The following PPP1R16B variants were observed in gnomAD, a reference collection of about 807,000 sequenced individuals.
PPP1R16B encodes the protein protein phosphatase 1 regulatory subunit 16B.
Under a neutral mutation model 61.7 loss-of-function variants are expected in PPP1R16B, and 14 were observed. The ratio of observed to expected loss-of-function variants is 0.23; its 90% CI spans 0.15 to 0.35. The LOEUF (loss-of-function observed/expected upper bound fraction) is 0.35, where lower values mean the gene tolerates loss of function less well. Ranked by LOEUF, PPP1R16B falls within the 10% of genes least tolerant of loss-of-function variation. The probability of loss-of-function intolerance (pLI) is 1.00; values close to 1 mark genes in which losing one functional copy is unlikely to be tolerated. For missense variants in PPP1R16B, 547 were observed against 752.5 expected (o/e 0.73, Z 3.19); for synonymous variants, 266 against 305.3 (o/e 0.87, Z 1.34).
At chr20:38,905,941 G>T in intron 6 of PPP1R16B, 28 bp from the exon 7 acceptor site, 1 of 1,606,888 alleles carries the variant, frequency 6.2e-7, no homozygotes, top group Non-Finnish European at 8.5e-7. Flanking sequence ...ATCCCCTGAG[G>T]AATGCTCACT....
chr20:38,918,293 T>A lies in PPP1R16B; in HGVS notation c.1331T>A (p.Val444Asp). 1 of 1,614,216 alleles carries A rather than the reference T, an allele frequency of 6.2e-7. No homozygotes were observed. The highest frequency in any genetic ancestry group is 8.5e-7 in the Non-Finnish European group (1 of 1,180,046). ...AYQYALANGD[V>D]WKVHEVPDYS... is the part of the protein sequence containing the mutation. ...CAGTATGCGCTGGCCAACGGGGATG[T>A]CTGGAAGGTGCATGAGGTGCCTGAC... The change falls in exon 11 of 11, where the codon GTC (valine) becomes GAC (aspartate). Residue 444 changes from valine (V) to aspartate (D), a missense_variant. Physicochemically the swap from Val to Asp is radical, Grantham distance 152. Transcript: ENST00000299824. This position sits in a 1 kb window ranked among gnomAD's most constrained non-coding sequence, Gnocchi z 5.3.
At chr20:38,854,508 A>G (rs2084990681) in intron 2 of PPP1R16B, among the ~76,000 whole-genome samples, 1 of 152,236 alleles carries the variant, frequency 6.6e-6, no homozygotes, top group African/African-American at 2.4e-5. Flanking sequence ...AAAATCTTTC[A>G]AAATGTGGAT....
intron 3 of PPP1R16B, among the ~76,000 whole-genome samples, chr20:38,895,340 T>C (rs1435861361): frequency 1.3e-5 from 2 of 150,732 alleles, no homozygotes; most frequent in African/African-American, 2.5e-5. Flanking sequence ...ATCTTACATA[T>C]TATTAACTTC....
At chr20:38,845,089 C>T (rs1160183702) in intron 2 of PPP1R16B, among the ~76,000 whole-genome samples, 2 of 152,046 alleles carry the variant, frequency 1.3e-5, no homozygotes, top group African/African-American at 4.8e-5. Context: ...CATGCCCCTG[C>T]CATTCTGGTG....
chr20:38,855,941 T>TAGAGAGAGAGAG (rs1371645291), intron 2 of PPP1R16B, among the ~76,000 whole-genome samples: 11 of 25,370 alleles, frequency 4.3e-4, no homozygotes, highest in Non-Finnish European at 5.4e-4. Flanking sequence ...TATATATATA[T>TAGAGAGAGAGAG]ATAGAGAGAG....
intron 2 of PPP1R16B, among the ~76,000 whole-genome samples, chr20:38,879,423 T>G (rs1157685202): frequency 6.6e-6 from 1 of 152,128 alleles, no homozygotes; most frequent in Non-Finnish European, 1.5e-5. Flanking sequence ...CCTCACACAT[T>G]AGGAAGTGAT....
chr20:38,844,232 A>G (rs970761206), intron 2 of PPP1R16B, among the ~76,000 whole-genome samples: 1 of 152,232 alleles, frequency 6.6e-6, no homozygotes, highest in Admixed American at 6.5e-5. Context: ...TATAGTTTCA[A>G]TAACAATCTT....
intron 4 of PPP1R16B, among the ~76,000 whole-genome samples, chr20:38,897,789 C>T (rs1019800940): frequency 6.6e-6 from 1 of 152,174 alleles, no homozygotes; most frequent in African/African-American, 2.4e-5. Flanking sequence ...TGTTAGTAGC[C>T]ATACTAGTAG....
At chr20:38,901,013 A>G (rs953227527) in intron 5 of PPP1R16B, among the ~76,000 whole-genome samples, 2 of 152,154 alleles carry the variant, frequency 1.3e-5, no homozygotes, top group African/African-American at 2.4e-5. Flanking sequence ...ATATATTCCT[A>G]TGTGGGACAA....
chr20:38,891,302 CTAAA>C (rs1197904785), intron 3 of PPP1R16B, among the ~76,000 whole-genome samples: 1 of 152,148 alleles, frequency 6.6e-6, no homozygotes, highest in Non-Finnish European at 1.5e-5. Context: ...TTCCTCATCT[CTAAA>C]AGAGGAATAA....
chr20:38,835,845 C>A lies in PPP1R16B; in HGVS notation c.-81C>A. On this transcript the variant is annotated 5_prime_UTR_variant, in exon 2 of 11. Coordinates refer to ENST00000299824, the MANE Select transcript of PPP1R16B (RefSeq NM_015568.4). The stretch of plus-strand genomic sequence containing the variant: ...CACAGGCCACACCATGAGGCCCCAG[C>A]CCCACCAGAGGCCCCGCGCTGCCCT... The A allele has an allele frequency of 1.4e-6, 2 of 1,428,412 alleles. No homozygotes were observed. Among genetic ancestry groups the A allele is most frequent in the Non-Finnish European group, 9.2e-7 (1 of 1,087,708 alleles). The allele number at this position is 1,428,412 out of a possible 1,614,324, so 88.5% of individuals were successfully genotyped here.
At chr20:38,839,495 C>T (rs1226736240) in intron 2 of PPP1R16B, among the ~76,000 whole-genome samples, 1 of 152,166 alleles carries the variant, frequency 6.6e-6, no homozygotes, top group Non-Finnish European at 1.5e-5. Context: ...CTTCCTCCCT[C>T]TCTCCTTCCT....
intron 2 of PPP1R16B, among the ~76,000 whole-genome samples, chr20:38,843,996 A>C (rs1039261434): frequency 1.3e-5 from 2 of 152,244 alleles, no homozygotes; most frequent in African/African-American, 4.8e-5. Flanking sequence ...TACTACATCT[A>C]AACTCAACAA....
At chr20:38,877,465 C>A (rs140444990) in intron 2 of PPP1R16B, among the ~76,000 whole-genome samples, 1 of 151,984 alleles carries the variant, frequency 6.6e-6, no homozygotes, top group South Asian at 2.1e-4. Context: ...CCCACCACCA[C>A]GCCCGGCTAA....
At chr20:38,890,439 AC>A (rs1306071625) in intron 3 of PPP1R16B, among the ~76,000 whole-genome samples, 2 of 152,166 alleles carry the variant, frequency 1.3e-5, no homozygotes, top group Non-Finnish European at 2.9e-5. Flanking sequence ...AGGTCCTTGT[AC>A]CCAGTGGGCT....
At chr20:38,906,908 G>A (rs1020022843) in intron 7 of PPP1R16B, 71 bp from the exon 8 acceptor site, 5 of 1,319,724 alleles carry the variant, frequency 3.8e-6, no homozygotes, top group African/African-American at 2.9e-5. Context: ...GAGGCCTTGG[G>A]CACTCTCTCC....
chr20:38,892,702 T>G (rs1167855246), intron 3 of PPP1R16B, among the ~76,000 whole-genome samples: 1 of 152,048 alleles, frequency 6.6e-6, no homozygotes, highest in East Asian at 1.9e-4. Flanking sequence ...CAGTGGCAGC[T>G]TAAAACTGGG....
intron 1 of PPP1R16B, among the ~76,000 whole-genome samples, chr20:38,827,875 C>T (rs148420805): frequency 6.6e-5 from 10 of 152,166 alleles, no homozygotes; most frequent in African/African-American, 1.4e-4. Flanking sequence ...AAGTAGGTCC[C>T]GAGTGAGATC....
intron 2 of PPP1R16B, among the ~76,000 whole-genome samples, chr20:38,867,734 G>A (rs1290196778): frequency 6.6e-6 from 1 of 151,726 alleles, no homozygotes; most frequent in African/African-American, 2.4e-5. Flanking sequence ...GTGCCATGGT[G>A]TGAACTTGGC....
Sources: gnomAD v4.1 joint callset for allele counts (sites outside exome capture counted in the v4.1 genomes callset) on GRCh38, gnomAD v4.1.1 for gene constraint, Gnocchi (gnomAD v3.1) non-coding constraint, MANE v1.5 for transcripts, NCBI Gene and HGNC (gene_info 2026-07-23, HGNC 2026-07-21) for gene names.